The following MED12 variants were observed in gnomAD, a reference collection of about 807,000 sequenced individuals.
MED12 encodes the protein mediator complex subunit 12.
A neutral mutation model predicts 177.7 loss-of-function variants in MED12; 10 were observed. The ratio of observed to expected loss-of-function variants is 0.06; its 90% CI spans 0.03 to 0.10. MED12 has a LOEUF of 0.10. Among genes scored for constraint, MED12 ranks in the 10% least tolerant of loss-of-function variants. MED12 has a pLI of 1.00. For synonymous variants in MED12, 641 were observed against 678.4 expected, an observed-to-expected ratio of 0.94 and a Z score of 0.86; for missense variants, 867 against 1,780.8, an observed-to-expected ratio of 0.49 and a Z score of 9.23.
chrX:71,135,563 G>T (rs1287192536), intron 36 of MED12, among the ~76,000 whole-genome samples: 1 of 110,359 alleles, frequency 9.1e-6, no homozygotes, highest in Non-Finnish European at 1.9e-5. Context: ...CATCTATCTG[G>T]CCGACAGCCT....
In MED12 at chrX:71,124,241, C is replaced by T. The variant is rs2092297079; in HGVS notation, c.1827C>T (p.Phe609=). The T allele has an allele frequency of 8.3e-7, 1 of 1,208,761 alleles. No homozygotes were observed. Among genetic ancestry groups the T allele is most frequent in the Admixed American group, 2.2e-5 (1 of 45,766 alleles). The change falls in exon 13 of 45, where the codon TTC becomes TTT. Residue 609 remains phenylalanine (F), a synonymous_variant. Coordinates refer to ENST00000374080, the MANE Select transcript of MED12 (RefSeq NM_005120.3). ...GTGAACTGATTCGACATGATGTTTTCTCCCACAACATGTATACTTGCACTC... is the reference window on the plus strand; with the variant it reads ...GTGAACTGATTCGACATGATGTTTTTTCCCACAACATGTATACTTGCACTC... ...LFCELIRHDV[F]SHNMYTCTLI... is the part of the protein sequence containing the mutation.
chrX:71,121,708 C>G lies in MED12; in HGVS notation c.993C>G (p.Thr331=), dbSNP rs1277090730. Residue 331 remains threonine (T), a synonymous_variant, in exon 7 of 45, where the codon ACC becomes ACG. Transcript: ENST00000374080. ...AGTCAACAAGCACGCTACCCACCAC[C>G]CCTGCTCCTCAGCCCCCAACTAGCA... is the stretch of plus-strand genomic sequence containing the variant. ...SAQSTSTLPT[T]PAPQPPTSST... 2 of 1,209,427 alleles carry G rather than the reference C, an allele frequency of 1.7e-6. No individual in the cohort carries two copies. The highest frequency in any genetic ancestry group is 3.5e-5 in the African/African-American group (2 of 56,973).
chrX:71,123,097 C>A lies in MED12; in HGVS notation c.1488C>A (p.Ile496=), dbSNP rs759335153. ...CCTTCTCTTCCTTTGTTCTCCAGAT[C>A]TCCTCAGATGATGATGCTGTGGTGT... is the stretch of plus-strand genomic sequence containing the variant. The part of the protein sequence containing the change: ...GLGPSKDGHE[I]SSDDDAVVSL... The change falls in exon 11 of 45, where the codon ATC becomes ATA. Residue 496 remains isoleucine, a splice_region_variant and synonymous_variant. Transcript: ENST00000374080. 5.8e-6 allele frequency: 7 copies of A among 1,211,447 alleles called. No individual in the cohort carries two copies. The highest frequency in any genetic ancestry group is 7.8e-6 in the Non-Finnish European group (7 of 895,278).
Position 71,136,275 on chromosome X carries a change from G to A in MED12, c.5026-6G>A, listed in dbSNP as rs1398517795. The A allele has an allele frequency of 7.4e-6, 9 of 1,209,367 alleles. No individual in the cohort carries two copies. The highest frequency in any genetic ancestry group is 1.0e-5 in the Non-Finnish European group (9 of 895,095). ...ACAGCTTATTGTTTTTCATTTTCTG[G>A]AGCAGGGTCTACAGGTTTCCACCAA... is the stretch of plus-strand genomic sequence containing the variant. On this transcript the variant is annotated splice_region_variant and splice_polypyrimidine_tract_variant and intron_variant, in intron 36 of 44. Transcript: ENST00000374080.
At position 71,141,942 on chromosome X, in the gene MED12, G is replaced by A. The variant is rs2147844961; in HGVS notation, c.6468G>A (p.Arg2156=). 5.0e-6 allele frequency: 6 copies of A among 1,211,422 alleles called. No homozygotes were observed. The highest frequency in any genetic ancestry group is 6.7e-6 in the Non-Finnish European group (6 of 895,321). ...QQQQQTAALV[R]QLQQQLSNTQ... Reference sequence around the variant, plus strand: ...AGCAACAGACAGCAGCTTTGGTCCGGCAACTTCAACAACAGCTCTCTAGTA... The same window carrying A: ...AGCAACAGACAGCAGCTTTGGTCCGACAACTTCAACAACAGCTCTCTAGTA... The change falls in exon 44 of 45, where the codon CGG becomes CGA. Residue 2156 remains arginine (R), a synonymous_variant. Transcript: ENST00000374080.
rs1424251062 is a variant in MED12 at position 71,136,519 on chromosome X, C to T, written c.5264C>T (p.Thr1755Ile). 1 of 1,200,686 alleles carries T rather than the reference C, an allele frequency of 8.3e-7. No individual in the cohort carries two copies. The highest frequency in any genetic ancestry group is 1.7e-5 in the African/African-American group (1 of 57,459). ...PPEDEEPPAP[T>I]LLEPEKKAPE... ...GAAGATGAGGAGCCGCCTGCTCCTA[C>T]CCTGCTAGAGCCTGAGAAAAAGGCT... is the stretch of plus-strand genomic sequence containing the variant. The change falls in exon 37 of 45, where the codon ACC becomes ATC. Residue 1755 changes from threonine (T) to isoleucine (I), a missense_variant. Thr to Ile is a moderately conservative substitution (Grantham distance 89). This residue lies in a region of MED12 where 236 missense variants were observed against 345.2 expected (regional missense o/e 0.68). Transcript: ENST00000374080.
chrX:71,121,287 AT>A (rs2147778533), intron 5 of MED12, 39 bp from the exon 6 acceptor site: 1 of 1,193,190 alleles, frequency 8.4e-7, no homozygotes, highest in Non-Finnish European at 1.1e-6. Flanking sequence ...TATCTGCTTC[AT>A]CTCTAATAGT....
At chrX:71,130,620 T>G (rs927788852) in intron 28 of MED12, among the ~76,000 whole-genome samples, 2 of 112,926 alleles carry the variant, frequency 1.8e-5, no homozygotes, top group African/African-American at 6.4e-5. Context: ...TCATTTAATC[T>G]TTATGACCCT....
rs776838069 is a variant in MED12 at position 71,142,214 on chromosome X, A to T, written c.6530A>T (p.Tyr2177Phe). ...PQPSTNIFGR[Y>F] ...CCCAGTACCAACATATTTGGACGCTACTGAGCCACCTGGAGGAACTGCTTG... is the reference window on the plus strand; with the variant it reads ...CCCAGTACCAACATATTTGGACGCTTCTGAGCCACCTGGAGGAACTGCTTG... Residue 2177 changes from tyrosine to phenylalanine, a missense_variant, in exon 45 of 45, where the codon TAC becomes TTC. Coordinates refer to ENST00000374080, the MANE Select transcript of MED12 (RefSeq NM_005120.3). 3 of 1,209,026 alleles carry T rather than the reference A, an allele frequency of 2.5e-6. No homozygotes were observed. The highest frequency in any genetic ancestry group is 3.4e-6 in the Non-Finnish European group (3 of 894,200).
intron 13 of MED12, 69 bp from the exon 14 acceptor site, chrX:71,124,695 G>A: frequency 1.2e-6 from 1 of 869,535 alleles, no homozygotes. Flanking sequence ...CTTCCCCAAT[G>A]AAGTTTTACA....
At position 71,137,580 on chromosome X, in the gene MED12, A is replaced by C. The variant is rs1238940436; in HGVS notation, c.5771A>C (p.Gln1924Pro). Residue 1924 changes from glutamine (Q) to proline (P), a missense_variant, in exon 40 of 45, where the codon CAG becomes CCG. By Grantham distance (76) the Gln-to-Pro change is moderately conservative. This residue lies in a region of MED12 where 236 missense variants were observed against 345.2 expected (regional missense o/e 0.68). Transcript: ENST00000374080. Reference sequence around the variant, plus strand: ...TAGCAGAGTCAGGGCATGTTGGGACAGTCATCTGTCCATCAGATGACTCCC... The same window carrying C: ...TAGCAGAGTCAGGGCATGTTGGGACCGTCATCTGTCCATCAGATGACTCCC... The part of the protein sequence containing the change: ...QLQQSQGMLG[Q>P]SSVHQMTPSS... 2 of 1,210,455 alleles carry C rather than the reference A, an allele frequency of 1.7e-6. No individual in the cohort carries two copies. The highest frequency in any genetic ancestry group is 5.9e-5 in the East Asian group (2 of 33,817).
At position 71,118,770 on chromosome X, in the gene MED12, A is replaced by G; in HGVS notation, c.16A>G (p.Ile6Val). The change falls in exon 1 of 45, where the codon ATC (isoleucine) becomes GTC (valine). Residue 6 changes from isoleucine to valine, a missense_variant. By Grantham distance (29) the Ile-to-Val change is conservative (BLOSUM62 3). Transcript: ENST00000374080. MAAFGILSYEHRPLKR... is the reference protein window; with the variant it reads MAAFGVLSYEHRPLKR... ...GCTGGGCAAGATGGCGGCCTTCGGG[A>G]TCTTGAGCTACGAACACCGGCCCCT... The G allele has an allele frequency of 8.3e-7, 1 of 1,208,083 alleles. No homozygotes were observed. The highest frequency in any genetic ancestry group is 1.1e-6 in the Non-Finnish European group (1 of 894,335).
Position 71,124,159 on chromosome X carries a change from C to T in MED12, c.1745C>T (p.Thr582Met), listed in dbSNP as rs772155788. ...QFLDTQAPML[T>M]DPRSESERVE... Reference sequence around the variant, plus strand: ...ATGTTTCCTCATTCCCTTCCTCCAGCGGACCCTCGAAGTGAGAGTGAGCGG... The same window carrying T: ...ATGTTTCCTCATTCCCTTCCTCCAGTGGACCCTCGAAGTGAGAGTGAGCGG... Residue 582 changes from threonine (T) to methionine (M), a missense_variant and splice_region_variant, in exon 13 of 45, where the codon ACG becomes ATG. This residue lies in a region of MED12 where 309 missense variants were observed against 556.3 expected (regional missense o/e 0.56). Coordinates refer to ENST00000374080, the MANE Select transcript of MED12 (RefSeq NM_005120.3). The T allele has an allele frequency of 1.7e-6, 2 of 1,206,404 alleles. No homozygotes were observed. The highest frequency in any genetic ancestry group is 1.1e-6 in the Non-Finnish European group (1 of 890,643).
chrX:71,131,512 C>T (rs773476465), intron 28 of MED12, 38 bp from the exon 29 acceptor site: 35 of 1,186,898 alleles, frequency 2.9e-5, no homozygotes, highest in Non-Finnish European at 3.7e-5. Context: ...GGGGGTAACA[C>T]GATGATGACT....
chrX:71,135,385 T>C (rs1395057985), intron 36 of MED12, 132 bp downstream of exon 36: 1 of 726,746 alleles, frequency 1.4e-6, no homozygotes, highest in Non-Finnish European at 2.1e-6. Context: ...GTGAACACCA[T>C]CTCTGGGGTT....
intron 11 of MED12, among the ~76,000 whole-genome samples, 165 bp from the exon 12 acceptor site, chrX:71,123,429 A>T (rs748554548): frequency 9.0e-6 from 1 of 111,498 alleles, no homozygotes; most frequent in African/African-American, 3.3e-5. Context: ...TAGAGATAAC[A>T]TCAAGGCTTC....
chrX:71,129,541 G>A, intron 26 of MED12, 112 bp downstream of exon 26: 1 of 965,252 alleles, frequency 1.0e-6, no homozygotes, highest in Admixed American at 2.6e-5. Flanking sequence ...GACCTTTGGG[G>A]AGGAGGGGAG....
Position 71,137,475 on chromosome X carries a change from A to G in MED12, c.5749-83A>G, listed in dbSNP as rs375179578. On this transcript the variant is annotated intron_variant, in intron 39 of 44. Coordinates refer to ENST00000374080, the MANE Select transcript of MED12 (RefSeq NM_005120.3). ...GGAGGAGACACTTGGGATCTTCACA[A>G]GGACACTCAGGGTGGGAGACACAAG... 797 of 1,150,178 alleles carry G rather than the reference A, an allele frequency of 6.9e-4. 10 individuals carry two copies. In the South Asian group the frequency reaches 0.012, roughly 17 times the overall value. 94.8% of individuals were successfully genotyped at this position (1,150,178 alleles called of 1,213,427 possible).
chrX:71,138,654 T>C (rs191226478), intron 41 of MED12, among the ~76,000 whole-genome samples: 1 of 109,720 alleles, frequency 9.1e-6, no homozygotes, highest in African/African-American at 3.3e-5. Context: ...GTGGGAAGAT[T>C]GCTTGAGCTT....
Sources: gnomAD v4.1 joint callset for allele counts (sites outside exome capture counted in the v4.1 genomes callset) on GRCh38, gnomAD v4.1.1 for gene constraint, gnomAD v4.1.1 regional missense constraint, MANE v1.5 for transcripts, NCBI Gene and HGNC (gene_info 2026-07-23, HGNC 2026-07-21) for gene names.